Variants in PTPRU observed in about 807,000 individuals in gnomAD.
PTPRU encodes the protein receptor-type tyrosine-protein phosphatase U.
Under a neutral mutation model 166.3 loss-of-function variants are expected in PTPRU, and 69 were observed. That is an observed-to-expected ratio of 0.41 (90% CI 0.34 to 0.51). PTPRU has a LOEUF of 0.51. Ranked by LOEUF, PTPRU falls within the 20% of genes least tolerant of loss-of-function variation. The pLI, the probability that PTPRU is intolerant of heterozygous loss-of-function variation, is 0.09. For synonymous variants in PTPRU, 793 were observed against 814.0 expected, an observed-to-expected ratio of 0.97 and a Z score of 0.44; for missense variants, 1,657 against 2,013.7, an observed-to-expected ratio of 0.82 and a Z score of 3.39.
Position 29,298,262 on chromosome 1 carries a change from C to CA in PTPRU, c.2477-5582dup, listed in dbSNP as rs766442938. Among the ~76,000 whole-genome samples the CA allele has an allele frequency of 1.4e-3, 154 of 109,264 alleles. 2 individuals carry two copies. Among genetic ancestry groups the CA allele is most frequent in the Middle Eastern group, 5.4e-3 (1 of 184 alleles). The allele number at this position is 109,264 out of a possible 152,430, so 71.7% of individuals were successfully genotyped here. ...TGGCAGACAGAGCAAGACTCTGTCT[C>CA]AAAAAAAAAAAGACAAAAAAAAAAA... On this transcript the variant is annotated intron_variant, in intron 15 of 29. Transcript: ENST00000373779.
intron 29 of PTPRU, 85 bp from the exon 30 acceptor site, chr1:29,325,514 G>A: frequency 6.6e-7 from 1 of 1,520,754 alleles, no homozygotes. Flanking sequence ...GCTCGTGCTT[G>A]CCCTCTCACT....
In PTPRU at chr1:29,269,219, C is replaced by CAAATATATATATAT. The variant is rs1365617963; in HGVS notation, c.1145-6228_1145-6227insAATATATATATATA. The stretch of plus-strand genomic sequence containing the variant: ...CCACCATGCCCAGCTAATTTATATA[C>CAAATATATATATAT]ATATATATATATATATATATATATA... On this transcript the variant is annotated intron_variant, in intron 7 of 29. Coordinates refer to ENST00000373779, the MANE Select transcript of PTPRU (RefSeq NM_133178.4). 4.7e-4 allele frequency among the ~76,000 whole-genome samples: 20 copies of CAAATATATATATAT among 42,404 alleles called. 1 individual carries two copies. Among genetic ancestry groups the CAAATATATATATAT allele is most frequent in the Admixed American group, 1.7e-3 (4 of 2,336 alleles). 27.8% of individuals were successfully genotyped at this position (42,404 alleles called of 152,430 possible). A position where few individuals can be genotyped will look rare whatever the true frequency, so the allele number is the denominator to read the frequency against.
At chr1:29,242,966 TG>T (rs1383237638) in intron 1 of PTPRU, among the ~76,000 whole-genome samples, 1 of 151,992 alleles carries the variant, frequency 6.6e-6, no homozygotes, top group East Asian at 1.9e-4. Context: ...GGCACCATCT[TG>T]GCTCACTGCA....
chr1:29,256,802 A>C (rs1468656606), intron 2 of PTPRU, among the ~76,000 whole-genome samples: 1 of 152,142 alleles, frequency 6.6e-6, no homozygotes, highest in East Asian at 1.9e-4. Context: ...AAGGCAGCTG[A>C]TTGGAATTCA....
At chr1:29,318,790 A>G (rs1317564791) in intron 25 of PTPRU, among the ~76,000 whole-genome samples, 2 of 152,208 alleles carry the variant, frequency 1.3e-5, no homozygotes, top group East Asian at 3.9e-4. Flanking sequence ...CTGGCCTGGA[A>G]AAAGAGGAAG....
chr1:29,249,424 A>G (rs1165695299), intron 1 of PTPRU, among the ~76,000 whole-genome samples: 1 of 152,220 alleles, frequency 6.6e-6, no homozygotes, highest in Non-Finnish European at 1.5e-5. Context: ...GGCCAGTTTG[A>G]ACTGAGGCTG....
intron 7 of PTPRU, among the ~76,000 whole-genome samples, chr1:29,263,305 G>C (rs759753645): frequency 1.3e-5 from 2 of 152,096 alleles, no homozygotes; most frequent in Non-Finnish European, 2.9e-5. Flanking sequence ...TTAACATGAT[G>C]TTTTCAAGGT....
At chr1:29,301,176 C>T (rs114761048) in intron 15 of PTPRU, among the ~76,000 whole-genome samples, 3 of 152,134 alleles carry the variant, frequency 2.0e-5, no homozygotes, top group Non-Finnish European at 4.4e-5. Context: ...CCCTCACAGC[C>T]TCACCCAGAG....
At chr1:29,278,981 T>A in intron 8 of PTPRU, 31 bp from the exon 9 acceptor site, 1 of 1,535,648 alleles carries the variant, frequency 6.5e-7, no homozygotes, top group Non-Finnish European at 8.8e-7. Flanking sequence ...AAGCCCACTT[T>A]CCCCTGGCCC....
chr1:29,307,458 C>T (rs1335914230), intron 18 of PTPRU, among the ~76,000 whole-genome samples: 2 of 152,264 alleles, frequency 1.3e-5, no homozygotes, highest in Non-Finnish European at 2.9e-5. Context: ...CCTTCCTTCC[C>T]TGGCTCCGCC....
intron 1 of PTPRU, among the ~76,000 whole-genome samples, chr1:29,244,112 G>A (rs1168355199): frequency 6.6e-6 from 1 of 152,138 alleles, no homozygotes; most frequent in African/African-American, 2.4e-5. Context: ...AGATTGAGAT[G>A]GGGCTGTTAG....
Position 29,325,981 on chromosome 1 carries a change from CT to C in PTPRU, c.*321del. ...GCTCAGGACGGCTGGCTCTGGGGGA[CT>C]CAGGCCAAGCCCCTTGGCACCATCC... On this transcript the variant is annotated 3_prime_UTR_variant, in exon 30 of 30. Coordinates refer to ENST00000373779, the MANE Select transcript of PTPRU (RefSeq NM_133178.4). 15 of 439,000 alleles carry C rather than the reference CT, an allele frequency of 3.4e-5. No individual in the cohort carries two copies. The highest frequency in any genetic ancestry group is 7.7e-5 in the South Asian group (1 of 13,062). The allele number at this position is 439,000 out of a possible 1,614,324, so 27.2% of individuals were successfully genotyped here. A position where few individuals can be genotyped will look rare whatever the true frequency, so the allele number is the denominator to read the frequency against.
Position 29,239,841 on chromosome 1 carries a change from T to C in PTPRU, c.73+3124T>C, listed in dbSNP as rs538658479. Among the ~76,000 whole-genome samples the C allele has an allele frequency of 2.6e-5, 4 of 152,212 alleles. No homozygotes were observed. The South Asian group carries it at 6.2e-4, about 24-fold the overall frequency. ...CCAGCCTCCTCCTTCCCTCTTTCCC[T>C]CATGGTGCCAGGGATCTTTGTAAAG... On this transcript the variant is annotated intron_variant, in intron 1 of 29. Transcript: ENST00000373779.
intron 26 of PTPRU, among the ~76,000 whole-genome samples, chr1:29,323,006 T>G (rs1688229803): frequency 6.7e-6 from 1 of 148,222 alleles, no homozygotes. Context: ...GGGGGGAGGT[T>G]CTGGGGTGGG....
chr1:29,286,040 T>C (rs1288074552), intron 14 of PTPRU, among the ~76,000 whole-genome samples: 2 of 152,182 alleles, frequency 1.3e-5, no homozygotes, highest in African/African-American at 4.8e-5. Context: ...GTTGGTTGTA[T>C]CTCTGGGCTG....
At chr1:29,258,381 A>G in intron 2 of PTPRU, 124 bp from the exon 3 acceptor site, 5 of 1,091,440 alleles carry the variant, frequency 4.6e-6, no homozygotes, top group Middle Eastern at 2.4e-4. Context: ...TGGGGCCAGA[A>G]CTCAGAATCC....
At chr1:29,249,662 C>G (rs182669850) in intron 1 of PTPRU, among the ~76,000 whole-genome samples, 1 of 152,096 alleles carries the variant, frequency 6.6e-6, no homozygotes, top group African/African-American at 2.4e-5. Flanking sequence ...GAGGGTGTGC[C>G]GTTTACATCC....
At chr1:29,262,564 C>T (rs1466171855) in intron 7 of PTPRU, among the ~76,000 whole-genome samples, 1 of 152,042 alleles carries the variant, frequency 6.6e-6, no homozygotes, top group Non-Finnish European at 1.5e-5. Context: ...TGTTGTGAGC[C>T]TCTTACTGTG....
chr1:29,255,406 G>A lies in PTPRU; in HGVS notation c.205G>A (p.Gly69Ser), dbSNP rs777175459. Residue 69 changes from glycine (G) to serine (S), a missense_variant and splice_region_variant, in exon 2 of 30, where the codon GGC becomes AGC. Gly to Ser is a moderately conservative substitution (Grantham distance 56). This residue lies in a region of PTPRU where 453 missense variants were observed against 496.9 expected (regional missense o/e 0.91). Coordinates refer to ENST00000373779, the MANE Select transcript of PTPRU (RefSeq NM_133178.4). Reference sequence around the variant, plus strand: ...CCGGGCACCTGCGGACCTGCCCCACGGTAAGTCTACTCTCCATCGCCATTA... The same window carrying A: ...CCGGGCACCTGCGGACCTGCCCCACAGTAAGTCTACTCTCCATCGCCATTA... Reference protein sequence around the residue: ...GTRAPADLPHGSYLMVNTSQH... With the variant: ...GTRAPADLPHSSYLMVNTSQH... 2.2e-5 allele frequency: 35 copies of A among 1,613,916 alleles called. No homozygotes were observed. The highest frequency in any genetic ancestry group is 2.6e-5 in the Non-Finnish European group (31 of 1,179,950).
Sources: allele counts gnomAD v4.1 joint callset (sites outside exome capture counted in the v4.1 genomes callset), GRCh38; gene constraint gnomAD v4.1.1; regional missense constraint gnomAD v4.1.1; transcripts MANE v1.5; gene names NCBI Gene and HGNC (gene_info 2026-07-23, HGNC 2026-07-21).